The following SUGCT variants were observed in gnomAD, a reference collection of about 807,000 sequenced individuals.
SUGCT encodes the protein succinyl-CoA:glutarate-CoA transferase.
Under a neutral mutation model 55.0 loss-of-function variants are expected in SUGCT, and 41 were observed. The ratio of observed to expected loss-of-function variants is 0.74; its 90% CI spans 0.58 to 0.97. The LOEUF is 0.97. SUGCT is among the 50% of genes least tolerant of loss of function. The pLI is 0.00. For missense variants in SUGCT, 568 were observed against 547.8 expected, an observed-to-expected ratio of 1.04 and a Z score of -0.37; for synonymous variants, 187 against 200.4, an observed-to-expected ratio of 0.93 and a Z score of 0.56.
chr7:40,635,713 G>A (rs985362889), intron 12 of SUGCT, among the ~76,000 whole-genome samples: 5 of 152,176 alleles, frequency 3.3e-5, no homozygotes, highest in Non-Finnish European at 7.3e-5. Flanking sequence ...CTATTAATCT[G>A]TTTTTATTGC....
the SUGCT span, among the ~76,000 whole-genome samples, chr7:40,973,998 G>A: frequency 6.6e-6 from 1 of 152,142 alleles, no homozygotes; most frequent in Non-Finnish European, 1.5e-5. Context: ...AGCTGCTAAT[G>A]GATTACCTAT....
chr7:40,763,859 T>C (rs1245884290), intron 13 of SUGCT, among the ~76,000 whole-genome samples: 10 of 152,178 alleles, frequency 6.6e-5, no homozygotes. Flanking sequence ...TTCTGAGCAC[T>C]TCATTGTTGG....
At chr7:40,662,494 C>T (rs1801381494) in intron 12 of SUGCT, among the ~76,000 whole-genome samples, 1 of 152,366 alleles carries the variant, frequency 6.6e-6, no homozygotes, top group South Asian at 2.1e-4. Flanking sequence ...CAGGCCCCTC[C>T]TCTCTCCCTC....
At chr7:40,529,590 G>A (rs1249190240) in intron 12 of SUGCT, among the ~76,000 whole-genome samples, 1 of 152,194 alleles carries the variant, frequency 6.6e-6, no homozygotes, top group African/African-American at 2.4e-5. Flanking sequence ...AGAACCCAGA[G>A]GAGAGAGGAA....
intron 13 of SUGCT, chr7:40,775,788 C>T (rs1365674848): frequency 6.6e-6 from 1 of 152,148 alleles, no homozygotes; most frequent in African/African-American, 2.4e-5. Context: ...TTTGAAATTC[C>T]TATTAAGCAG....
In SUGCT at chr7:40,571,616, TA is replaced by T. The variant is rs556886949; in HGVS notation, c.1089+75233del. Among the ~76,000 whole-genome samples the T allele has an allele frequency of 5.6e-3, 846 of 152,308 alleles. 4 individuals carry two copies. Among genetic ancestry groups the T allele is most frequent in the Admixed American group, 0.012 (188 of 15,300 alleles). On this transcript the variant is annotated intron_variant, in intron 12 of 13. Transcript: ENST00000335693. The stretch of plus-strand genomic sequence containing the variant: ...ATTTGACATAGTATTTTGAACAAAA[TA>T]AATGCTCAAGAAAATGTTTTTTGCA...
At chr7:40,242,136 T>C (rs2150893412) in intron 7 of SUGCT, among the ~76,000 whole-genome samples, 1 of 152,142 alleles carries the variant, frequency 6.6e-6, no homozygotes, top group Non-Finnish European at 1.5e-5. Context: ...CTCACATTGG[T>C]ACTTCCAGGT....
chr7:40,730,978 G>C (rs1490308324), intron 12 of SUGCT, among the ~76,000 whole-genome samples: 2 of 152,162 alleles, frequency 1.3e-5, no homozygotes, highest in African/African-American at 4.8e-5. Context: ...GAATGGACAA[G>C]TAATAGACTT....
chr7:40,188,300 G>T (rs1411881088), intron 3 of SUGCT, among the ~76,000 whole-genome samples, 195 bp from the exon 4 acceptor site: 1 of 151,924 alleles, frequency 6.6e-6, no homozygotes, highest in Non-Finnish European at 1.5e-5. Flanking sequence ...CAGGTATGGT[G>T]GTGCACACCT....
At chr7:40,646,259 C>A (rs947374459) in intron 12 of SUGCT, among the ~76,000 whole-genome samples, 11 of 152,240 alleles carry the variant, frequency 7.2e-5, no homozygotes, top group Non-Finnish European at 1.5e-4. Context: ...TTATGCTTCA[C>A]TTGGGACTCC....
chr7:40,399,754 G>T (rs1162663948), intron 9 of SUGCT, among the ~76,000 whole-genome samples: 1 of 152,114 alleles, frequency 6.6e-6, no homozygotes, highest in African/African-American at 2.4e-5. Flanking sequence ...TCATTGCACT[G>T]GCTAGTACCC....
chr7:40,575,119 C>CGGGGGGG (rs1210366162), intron 12 of SUGCT, among the ~76,000 whole-genome samples: 3 of 99,096 alleles, frequency 3.0e-5, no homozygotes, highest in African/African-American at 9.2e-5. Flanking sequence ...AGGAGGGTGG[C>CGGGGGGG]GGGGGTGGGG....
At chr7:40,749,081 A>G (rs1228300523) in intron 12 of SUGCT, among the ~76,000 whole-genome samples, 1 of 152,156 alleles carries the variant, frequency 6.6e-6, no homozygotes, top group East Asian at 1.9e-4. Flanking sequence ...GAGTCCTGCC[A>G]TAAGGTTATG....
chr7:40,167,965 A>G (rs528320765), intron 1 of SUGCT, among the ~76,000 whole-genome samples: 2 of 152,134 alleles, frequency 1.3e-5, no homozygotes, highest in South Asian at 2.1e-4. Flanking sequence ...GGGGTTGCCC[A>G]CTCCCGGCTC....
At chr7:40,373,705 G>A (rs1308362416) in intron 9 of SUGCT, among the ~76,000 whole-genome samples, 2 of 152,026 alleles carry the variant, frequency 1.3e-5, no homozygotes, top group Non-Finnish European at 1.5e-5. Context: ...AGATAAACAG[G>A]TGACTTATGT....
intron 13 of SUGCT, among the ~76,000 whole-genome samples, chr7:40,783,185 AG>A (rs1297634442): frequency 3.9e-5 from 6 of 152,144 alleles, no homozygotes; most frequent in Admixed American, 2.6e-4. Context: ...AACATCCAAA[AG>A]CTTGCCCTGT....
intron 3 of SUGCT, among the ~76,000 whole-genome samples, chr7:40,182,445 G>A (rs550960629): frequency 1.6e-4 from 25 of 151,840 alleles, no homozygotes; most frequent in Non-Finnish European, 1.5e-5. Context: ...ACCTGTAATT[G>A]CAGCTACTTG....
chr7:40,890,620 A>T, the SUGCT span, among the ~76,000 whole-genome samples: 1 of 152,118 alleles, frequency 6.6e-6, no homozygotes, highest in African/African-American at 2.4e-5. Flanking sequence ...TCCAACAGCA[A>T]GCCTGCCCAC....
chr7:40,268,357 C>T (rs193100262), intron 7 of SUGCT, among the ~76,000 whole-genome samples: 25 of 152,300 alleles, frequency 1.6e-4, no homozygotes, highest in African/African-American at 5.8e-4. Flanking sequence ...TAATATGCAG[C>T]CTTTTGTGAC....
Sources: gnomAD v4.1 joint callset for allele counts (sites outside exome capture counted in the v4.1 genomes callset) on GRCh38, gnomAD v4.1.1 for gene constraint, MANE v1.5 for transcripts, NCBI Gene and HGNC (gene_info 2026-07-23, HGNC 2026-07-21) for gene names.